The following KIAA1217 variants were observed in gnomAD, a reference collection of about 807,000 sequenced individuals.
KIAA1217 encodes sickle tail protein homolog.
KIAA1217 carries 88 observed loss-of-function variants against 163.9 expected under a neutral mutation model. That is an observed-to-expected ratio of 0.54 (90% CI 0.45 to 0.64). The LOEUF (loss-of-function observed/expected upper bound fraction) is 0.64, where lower values mean the gene tolerates loss of function less well. KIAA1217 is among the 30% of genes least tolerant of loss of function. The probability of loss-of-function intolerance (pLI) is 0.00; values close to 1 mark genes in which losing one functional copy is unlikely to be tolerated. For synonymous variants in KIAA1217, 903 were observed against 923.1 expected, an observed-to-expected ratio of 0.98 and a Z score of 0.39; for missense variants, 2,372 against 2,475.0, an observed-to-expected ratio of 0.96 and a Z score of 0.88.
chr10:23,710,170 C>T (rs1393304349), intron 1 of KIAA1217, among the ~76,000 whole-genome samples: 1 of 149,142 alleles, frequency 6.7e-6, no homozygotes, highest in South Asian at 2.2e-4. Context: ...CTTCTGTTAC[C>T]TTATGCAGAC....
At chr10:23,714,642 T>A (rs1241847864) in intron 1 of KIAA1217, among the ~76,000 whole-genome samples, 2 of 152,170 alleles carry the variant, frequency 1.3e-5, no homozygotes, top group African/African-American at 4.8e-5. Context: ...ACAAAGTTTT[T>A]TTCCTGCTCT....
At chr10:24,491,761 T>G (rs181942665) in intron 6 of KIAA1217, among the ~76,000 whole-genome samples, 1 of 152,134 alleles carries the variant, frequency 6.6e-6, no homozygotes, top group Non-Finnish European at 1.5e-5. Flanking sequence ...AGAGTCTCAT[T>G]TAGTCTCTAC....
At chr10:24,345,408 A>G (rs1025165785) in intron 2 of KIAA1217, among the ~76,000 whole-genome samples, 4 of 152,212 alleles carry the variant, frequency 2.6e-5, no homozygotes, top group African/African-American at 4.8e-5. Flanking sequence ...CTGTGAGCCT[A>G]TCCAAAGGGT....
intron 1 of KIAA1217, among the ~76,000 whole-genome samples, chr10:23,705,751 C>A (rs1283907319): frequency 2.0e-5 from 3 of 152,050 alleles, no homozygotes; most frequent in African/African-American, 7.2e-5. Flanking sequence ...CATTTTAGGG[C>A]CTGCTTATCA....
chr10:24,411,667 T>G (rs561316971), intron 3 of KIAA1217, among the ~76,000 whole-genome samples: 47 of 152,292 alleles, frequency 3.1e-4, no homozygotes, highest in African/African-American at 1.1e-3. Flanking sequence ...AATTGAGACA[T>G]CCTTTTCTAT....
At position 23,908,636 on chromosome 10, in the gene KIAA1217, C is replaced by T. The variant is rs150806394; in HGVS notation, c.-320-98589C>T. 4.8e-3 allele frequency among the ~76,000 whole-genome samples: 735 copies of T among 152,250 alleles called. 7 individuals carry two copies. The highest frequency in any genetic ancestry group is 0.016 in the African/African-American group (656 of 41,566). ...GAACTCACAGTCCAGCAGGACATCT[C>T]CCCTGAGTGATGTCTAGTCTCTTCA... On this transcript the variant is annotated intron_variant, in intron 1 of 18. Coordinates refer to the KIAA1217 transcript ENST00000376462.
chr10:24,065,655 G>A (rs1427509803), intron 2 of KIAA1217, among the ~76,000 whole-genome samples: 2 of 152,106 alleles, frequency 1.3e-5, no homozygotes, highest in African/African-American at 4.8e-5. Flanking sequence ...ATGTCTATTA[G>A]GTCTGACTGG....
intron 2 of KIAA1217, among the ~76,000 whole-genome samples, chr10:24,348,358 T>TGAAAC (rs1591193856): frequency 1.3e-5 from 2 of 151,796 alleles, no homozygotes; most frequent in South Asian, 2.1e-4. Flanking sequence ...TAAAATGAAA[T>TGAAAC]AATTATCCTA....
At chr10:24,324,678 A>G (rs1194196061) in intron 2 of KIAA1217, among the ~76,000 whole-genome samples, 2 of 152,130 alleles carry the variant, frequency 1.3e-5, no homozygotes, top group African/African-American at 4.8e-5. Flanking sequence ...TTTTCCCCCT[A>G]GACTATGGCT....
At chr10:23,846,535 C>G (rs1438370074) in intron 1 of KIAA1217, among the ~76,000 whole-genome samples, 1 of 151,864 alleles carries the variant, frequency 6.6e-6, no homozygotes, top group Non-Finnish European at 1.5e-5. Context: ...CTCTGTTTGT[C>G]TGTTCTTGGT....
chr10:24,196,424 A>C (rs1365486424), intron 2 of KIAA1217, among the ~76,000 whole-genome samples: 1 of 152,188 alleles, frequency 6.6e-6, no homozygotes, highest in African/African-American at 2.4e-5. Flanking sequence ...AGAAAACAAA[A>C]AGCATTGCCA....
chr10:23,841,418 C>T (rs1272754249), intron 1 of KIAA1217, among the ~76,000 whole-genome samples: 1 of 152,140 alleles, frequency 6.6e-6, no homozygotes, highest in Non-Finnish European at 1.5e-5. Context: ...CACATAAATA[C>T]TATTTATTTA....
At chr10:23,828,642 C>A (rs1187823497) in intron 1 of KIAA1217, among the ~76,000 whole-genome samples, 1 of 152,140 alleles carries the variant, frequency 6.6e-6, no homozygotes, top group Non-Finnish European at 1.5e-5. Context: ...AGCATCTGTC[C>A]TCCAATGCTC....
chr10:24,152,873 C>A (rs1408373517), intron 2 of KIAA1217, among the ~76,000 whole-genome samples: 1 of 152,134 alleles, frequency 6.6e-6, no homozygotes, highest in South Asian at 2.1e-4. Flanking sequence ...GGAATGCTTG[C>A]TTTAATCAGG....
At chr10:23,896,267 T>C (rs569212525) in intron 1 of KIAA1217, among the ~76,000 whole-genome samples, 11 of 152,196 alleles carry the variant, frequency 7.2e-5, no homozygotes, top group African/African-American at 2.6e-4. Flanking sequence ...ATCCACAGAA[T>C]TAAATTTATA....
rs1564422192 is a variant in KIAA1217 at position 23,790,227 on chromosome 10, G to GCACATATA, written c.-321+95000_-321+95001insACACATAT. ...TATACACATATACACATATGCATATGCACATATGCATATGCACATATGCAT... is the reference window on the plus strand; with the variant it reads ...TATACACATATACACATATGCATATGCACATATACACATATGCATATGCACATATGCAT... On this transcript the variant is annotated intron_variant, in intron 1 of 18. Transcript: ENST00000376462. Among the ~76,000 whole-genome samples the GCACATATA allele has an allele frequency of 6.9e-3, 9 of 1,310 alleles. 4 individuals are homozygous for GCACATATA. Among genetic ancestry groups the GCACATATA allele is most frequent in the African/African-American group, 0.028 (4 of 144 alleles). The allele number at this position is 1,310 out of a possible 152,430, so 0.9% of individuals were successfully genotyped here.
At chr10:23,733,258 C>T (rs1838582211) in intron 1 of KIAA1217, among the ~76,000 whole-genome samples, 1 of 152,122 alleles carries the variant, frequency 6.6e-6, no homozygotes, top group Non-Finnish European at 1.5e-5. Context: ...AGTGATCCTC[C>T]CTCCTTGACC....
intron 1 of KIAA1217, among the ~76,000 whole-genome samples, chr10:23,943,780 T>A (rs1005848419): frequency 6.6e-6 from 1 of 152,202 alleles, no homozygotes; most frequent in Non-Finnish European, 1.5e-5. Flanking sequence ...AGGCAGAGAA[T>A]GGATACATAA....
chr10:23,765,054 G>C (rs1006023759), intron 1 of KIAA1217, among the ~76,000 whole-genome samples: 1 of 151,896 alleles, frequency 6.6e-6, no homozygotes, highest in Non-Finnish European at 1.5e-5. Flanking sequence ...GTTTTAAAAA[G>C]GTAGTTGGGA....
Sources: gnomAD v4.1 joint callset for allele counts (sites outside exome capture counted in the v4.1 genomes callset) on GRCh38, gnomAD v4.1.1 for gene constraint, MANE v1.5 for transcripts, NCBI Gene and HGNC (gene_info 2026-07-23, HGNC 2026-07-21) for gene names.